ATP6V0D2: variants seen among roughly 807,000 people sequenced by gnomAD.
ATP6V0D2 encodes the protein V-type proton ATPase subunit d 2.
ATP6V0D2 carries 40 observed loss-of-function variants against 40.0 expected under a neutral mutation model. That is an observed-to-expected ratio of 1.00 (90% CI 0.78 to 1.30). The LOEUF is 1.30. Ranked by LOEUF, ATP6V0D2 falls within the 50% of genes most tolerant of loss-of-function variation. The pLI is 0.00. For missense variants in ATP6V0D2, 470 were observed against 423.1 expected (o/e 1.11, Z -0.97); for synonymous variants, 179 against 156.3 (o/e 1.15, Z -1.08).
chr8:86,132,291 G>T (rs1394792071), intron 2 of ATP6V0D2, among the ~76,000 whole-genome samples: 1 of 151,916 alleles, frequency 6.6e-6, no homozygotes, highest in African/African-American at 2.4e-5. Context: ...ATCAGGTCAG[G>T]GTATCTGAGG....
intron 1 of ATP6V0D2, among the ~76,000 whole-genome samples, chr8:86,113,436 C>T (rs1818551156): frequency 6.6e-6 from 1 of 152,158 alleles, no homozygotes; most frequent in Non-Finnish European, 1.5e-5. Flanking sequence ...GAGCTGAGAT[C>T]GCACCACGGC....
At chr8:86,118,157 T>C in intron 2 of ATP6V0D2, among the ~76,000 whole-genome samples, 1 of 143,170 alleles carries the variant, frequency 7.0e-6, no homozygotes, top group Non-Finnish European at 1.5e-5. Context: ...GCCTCCCGGG[T>C]TCAAGTGATT....
At chr8:86,128,271 C>T (rs1179740661) in intron 2 of ATP6V0D2, among the ~76,000 whole-genome samples, 1 of 152,174 alleles carries the variant, frequency 6.6e-6, no homozygotes, top group Non-Finnish European at 1.5e-5. Flanking sequence ...ATCACTTGAA[C>T]CTGGGAGGTG....
chr8:86,138,022 G>A (rs988103690), intron 2 of ATP6V0D2, among the ~76,000 whole-genome samples: 1 of 152,124 alleles, frequency 6.6e-6, no homozygotes, highest in Non-Finnish European at 1.5e-5. Context: ...TTCAGTGTAA[G>A]GGCAGTCAGT....
At chr8:86,151,647 A>G in intron 7 of ATP6V0D2, 107 bp downstream of exon 7, 1 of 787,846 alleles carries the variant, frequency 1.3e-6, no homozygotes, top group Non-Finnish European at 2.1e-6. Context: ...CCAATTGATT[A>G]GGCACATTCA....
intron 1 of ATP6V0D2, among the ~76,000 whole-genome samples, chr8:86,101,443 G>C (rs1818395860): frequency 8.3e-6 from 1 of 121,132 alleles, no homozygotes; most frequent in Non-Finnish European, 1.6e-5. Flanking sequence ...CTGGGCGACA[G>C]AGTGAGACCC....
At chr8:86,121,944 T>A (rs1281088290) in intron 2 of ATP6V0D2, among the ~76,000 whole-genome samples, 1 of 152,246 alleles carries the variant, frequency 6.6e-6, no homozygotes, top group Non-Finnish European at 1.5e-5. Context: ...ATGTGAAACT[T>A]ATTTTGAAAA....
At chr8:86,144,057 C>T (rs1819014810) in intron 5 of ATP6V0D2, among the ~76,000 whole-genome samples, 1 of 152,186 alleles carries the variant, frequency 6.6e-6, no homozygotes, top group African/African-American at 2.4e-5. Context: ...AGTTGGTAAG[C>T]TCATTTAATT....
intron 1 of ATP6V0D2, among the ~76,000 whole-genome samples, chr8:86,103,165 T>A (rs1818425436): frequency 6.6e-6 from 1 of 152,030 alleles, no homozygotes; most frequent in South Asian, 2.1e-4. Flanking sequence ...TCACCCAGGC[T>A]GGTCTCCAAT....
rs750248249 is a variant in ATP6V0D2 at position 86,099,153 on chromosome 8, T to G, written c.130+45T>G. 8 of 1,221,542 alleles carry G rather than the reference T, an allele frequency of 6.5e-6. 1 individual carries two copies. The highest frequency in any genetic ancestry group is 2.0e-4 in the Middle Eastern group (1 of 4,918). 75.7% of individuals were successfully genotyped at this position (1,221,542 alleles called of 1,614,324 possible). ...CCCTTTAAAAAGAAAAAAAAAAAAA[T>G]GAAATGATGTCCCTCTCCAGAAGCA... On this transcript the variant is annotated intron_variant, in intron 1 of 7. Transcript: ENST00000285393.
At chr8:86,144,676 A>AT (rs1476420247) in intron 5 of ATP6V0D2, among the ~76,000 whole-genome samples, 1 of 151,964 alleles carries the variant, frequency 6.6e-6, no homozygotes, top group African/African-American at 2.4e-5. Flanking sequence ...GTTTGTTTTG[A>AT]TTTTTGAGAC....
chr8:86,112,243 A>C (rs1362527102), intron 1 of ATP6V0D2, among the ~76,000 whole-genome samples: 1 of 152,236 alleles, frequency 6.6e-6, no homozygotes, highest in African/African-American at 2.4e-5. Context: ...GTTTTATCAG[A>C]GTACTTTCAA....
intron 3 of ATP6V0D2, among the ~76,000 whole-genome samples, chr8:86,140,923 T>C (rs1355528729): frequency 6.6e-6 from 1 of 152,160 alleles, no homozygotes; most frequent in Non-Finnish European, 1.5e-5. Flanking sequence ...CCTGAGCTTG[T>C]TTTCCTGCAA....
chr8:86,146,837 C>G (rs904046945), intron 5 of ATP6V0D2, among the ~76,000 whole-genome samples: 1 of 151,902 alleles, frequency 6.6e-6, no homozygotes, highest in African/African-American at 2.4e-5. Context: ...ATGTAATTAC[C>G]TCCCTTTTAC....
intron 1 of ATP6V0D2, among the ~76,000 whole-genome samples, chr8:86,104,186 A>G (rs1563554569): frequency 6.6e-6 from 1 of 152,118 alleles, no homozygotes; most frequent in Non-Finnish European, 1.5e-5. Context: ...GTCCCTCTGC[A>G]GGAAATAAGT....
chr8:86,119,641 T>C (rs1286161759), intron 2 of ATP6V0D2, among the ~76,000 whole-genome samples: 2 of 152,190 alleles, frequency 1.3e-5, no homozygotes, highest in South Asian at 4.1e-4. Context: ...AAAACAAAAA[T>C]AATTACTTAA....
intron 2 of ATP6V0D2, among the ~76,000 whole-genome samples, chr8:86,125,578 T>C (rs1220997506): frequency 6.6e-6 from 1 of 152,192 alleles, no homozygotes; most frequent in African/African-American, 2.4e-5. Flanking sequence ...AGCAACCCTA[T>C]GGAGTGGTAC....
chr8:86,129,982 GAAAA>G (rs869058078), intron 2 of ATP6V0D2, among the ~76,000 whole-genome samples: 177 of 92,918 alleles, frequency 1.9e-3, no homozygotes, highest in African/African-American at 6.5e-3. Context: ...GTCTCGAAAA[GAAAA>G]AAAAAAAAAA....
At chr8:86,117,281 A>C (rs1369854610) in intron 2 of ATP6V0D2, among the ~76,000 whole-genome samples, 2 of 152,202 alleles carry the variant, frequency 1.3e-5, no homozygotes, top group African/African-American at 4.8e-5. Flanking sequence ...CCAAATTCAT[A>C]AATAAACCCA....
Sources: gnomAD v4.1 joint callset for allele counts (sites outside exome capture counted in the v4.1 genomes callset) on GRCh38, gnomAD v4.1.1 for gene constraint, MANE v1.5 for transcripts, NCBI Gene and HGNC (gene_info 2026-07-23, HGNC 2026-07-21) for gene names.